TOP1MT: variants seen among roughly 807,000 people sequenced by gnomAD.
TOP1MT encodes DNA topoisomerase I, mitochondrial.
Under a neutral mutation model 73.9 loss-of-function variants are expected in TOP1MT, and 80 were observed. The observed-to-expected ratio is 1.08, with a 90% CI of 0.90 to 1.30. The LOEUF is 1.30. TOP1MT is among the 50% of genes most tolerant of loss of function. The pLI, the probability that TOP1MT is intolerant of heterozygous loss-of-function variation, is 0.00. For missense variants in TOP1MT, 815 were observed against 808.0 expected, an observed-to-expected ratio of 1.01 and a Z score of -0.10; for synonymous variants, 338 against 326.4, an observed-to-expected ratio of 1.04 and a Z score of -0.38.
chr8:143,318,143 C>T (rs983021452), intron 8 of TOP1MT, 57 bp from the exon 9 acceptor site: 1 of 1,545,608 alleles, frequency 6.5e-7, no homozygotes, highest in African/African-American at 1.4e-5. Context: ...CAGTGAGGAC[C>T]TGAAGGGCGT....
At chr8:143,319,032 G>C (rs1304888406) in intron 8 of TOP1MT, among the ~76,000 whole-genome samples, 1 of 152,154 alleles carries the variant, frequency 6.6e-6, no homozygotes, top group Non-Finnish European at 1.5e-5. Flanking sequence ...CCCCATCCAG[G>C]CCTGCACCAC....
chr8:143,321,621 GCACGCCACACA>G (rs1563757981), intron 7 of TOP1MT, among the ~76,000 whole-genome samples: 5 of 31,046 alleles, frequency 1.6e-4, no homozygotes, highest in African/African-American at 4.3e-4. Flanking sequence ...CACGCCACAC[GCACGCCACACA>G]CAGGCACGCC....
rs201314878 is a variant in TOP1MT at position 143,309,474 on chromosome 8, A to C, written c.1773T>G (p.Ala591=). The C allele has an allele frequency of 1.9e-6, 3 of 1,613,888 alleles. No homozygotes were observed. The highest frequency in any genetic ancestry group is 2.5e-6 in the Non-Finnish European group (3 of 1,180,044). ...SKTQRERFAW[A]LAMAGEDFEF ...CAAAGTCTTCTCCTGCCATGGCGAG[A>C]GCCCAGGCGAACCTCTCCCGCTGTG... The change falls in exon 14 of 14, where the codon GCT becomes GCG. Residue 591 remains alanine (A), a synonymous_variant. Transcript: ENST00000329245.
chr8:143,353,411 G>A (rs1817352921), intron 1 of TOP1MT, among the ~76,000 whole-genome samples: 1 of 141,576 alleles, frequency 7.1e-6, no homozygotes, highest in Admixed American at 6.9e-5. Context: ...GTGAGACCCT[G>A]TCTCTTTAAA....
intron 3 of TOP1MT, among the ~76,000 whole-genome samples, chr8:143,327,970 G>C (rs910895632): frequency 6.6e-6 from 1 of 152,154 alleles, no homozygotes; most frequent in Non-Finnish European, 1.5e-5. Context: ...GAAAAACATA[G>C]GAGGAAATCT....
upstream of TOP1MT, among the ~76,000 whole-genome samples, chr8:143,346,445 A>T (rs1002827598): frequency 3.0e-4 from 45 of 152,286 alleles, no homozygotes; most frequent in Non-Finnish European, 3.7e-4. Context: ...ATGATTTTTT[A>T]AAAAAAGATA....
At chr8:143,316,977 G>C (rs12676285) in intron 10 of TOP1MT, among the ~76,000 whole-genome samples, 2 of 152,072 alleles carry the variant, frequency 1.3e-5, no homozygotes, top group African/African-American at 2.4e-5. Flanking sequence ...CACAGCCCCA[G>C]TGCTGCCCCA....
rs2129967567 is a variant in TOP1MT at position 143,318,076 on chromosome 8, T to C, written c.1157A>G (p.Asn386Ser). The change falls in exon 9 of 14, where the codon AAC becomes AGC. Residue 386 changes from asparagine to serine, a missense_variant. Physicochemically the swap from Asn to Ser is conservative, Grantham distance 46 (BLOSUM62 1). This residue lies in a region of TOP1MT where 751 missense variants were observed against 725.4 expected (regional missense o/e 1.04). Coordinates refer to ENST00000329245, the MANE Select transcript of TOP1MT (RefSeq NM_052963.3). ...CTTGTTCTCCATAAAGAGCTGTAAG[T>C]TCTTGTACACCTGAAGGAGAAAGAA... Reference protein sequence around the residue: ...RVPVEKPVYKNLQLFMENKDP... With the variant: ...RVPVEKPVYKSLQLFMENKDP... The C allele has an allele frequency of 1.2e-6, 2 of 1,613,992 alleles. No homozygotes were observed.
intron 12 of TOP1MT, among the ~76,000 whole-genome samples, chr8:143,314,712 G>A (rs1816105187): frequency 6.6e-6 from 1 of 152,166 alleles, no homozygotes; most frequent in Non-Finnish European, 1.5e-5. Flanking sequence ...AGGTGCTGAG[G>A]CAAGAGACTG....
intron 8 of TOP1MT, 90 bp from the exon 9 acceptor site, chr8:143,318,176 C>A: frequency 8.2e-7 from 1 of 1,221,984 alleles, no homozygotes; most frequent in Non-Finnish European, 1.2e-6. Context: ...TGGGAGCCCA[C>A]GGGAGGCTTC....
chr8:143,338,338 C>T (rs1210098418), upstream of TOP1MT, among the ~76,000 whole-genome samples: 1 of 152,002 alleles, frequency 6.6e-6, no homozygotes, highest in Admixed American at 6.6e-5. Context: ...GAGGCCAAGG[C>T]GGGCGGATCA....
chr8:143,334,994 C>G, upstream of TOP1MT: 1 of 1,004,480 alleles, frequency 1.0e-6, no homozygotes, highest in Non-Finnish European at 1.2e-6. Context: ...GCTGGGCGGT[C>G]TAAGCCTGCA....
Position 143,322,915 on chromosome 8 carries a change from CCACACACGCACGCCA to C in TOP1MT, c.960+1069_960+1083del, listed in dbSNP as rs1379929966. ...GCCACACGCACGCCACACACGCACG[CCACACACGCACGCCA>C]CACACAGGCACGCCACACACGCCAC... On this transcript the variant is annotated intron_variant, in intron 7 of 13. Coordinates refer to ENST00000329245, the MANE Select transcript of TOP1MT (RefSeq NM_052963.3). 1.4e-3 allele frequency among the ~76,000 whole-genome samples: 28 copies of C among 19,498 alleles called. 1 individual carries two copies. The highest frequency in any genetic ancestry group is 3.9e-3 in the African/African-American group (28 of 7,090). The allele number at this position is 19,498 out of a possible 152,430, so 12.8% of individuals were successfully genotyped here. A position where few individuals can be genotyped will look rare whatever the true frequency, so the allele number is the denominator to read the frequency against.
At chr8:143,346,934 C>T (rs1817230974), upstream of TOP1MT, among the ~76,000 whole-genome samples, 1 of 151,790 alleles carries the variant, frequency 6.6e-6, no homozygotes, top group Admixed American at 6.6e-5. Flanking sequence ...AGCCAAATCA[C>T]TTTTCAAAAG....
intron 13 of TOP1MT, 188 bp downstream of exon 13, chr8:143,309,880 C>G (rs758215110): frequency 5.8e-6 from 9 of 1,548,964 alleles, no homozygotes; most frequent in Non-Finnish European, 7.8e-6. Flanking sequence ...CCCTGTCCAT[C>G]CGAACGTTCA....
chr8:143,334,200 G>A (rs922397641), intron 1 of TOP1MT: 3 of 152,348 alleles, frequency 2.0e-5, no homozygotes, highest in African/African-American at 7.2e-5. Flanking sequence ...CCCAGTATGC[G>A]CCGGCAGGGC....
Position 143,329,489 on chromosome 8 carries a change from C to CA in TOP1MT, c.239-19dup. 6.2e-7 allele frequency: 1 copy of CA among 1,605,152 alleles called. No individual in the cohort carries two copies. Among genetic ancestry groups the CA allele is most frequent in the Non-Finnish European group, 8.5e-7 (1 of 1,177,708 alleles). On this transcript the variant is annotated intron_variant, in intron 2 of 13. Coordinates refer to ENST00000329245, the MANE Select transcript of TOP1MT (RefSeq NM_052963.3). Reference sequence around the variant, plus strand: ...AGGCCTTCCTGCAGGCATCGGAAGACACATCGTATGAGAGAGCGGCCAGAG... The same window carrying CA: ...AGGCCTTCCTGCAGGCATCGGAAGACAACATCGTATGAGAGAGCGGCCAGAG...
At position 143,327,669 on chromosome 8, in the gene TOP1MT, A is replaced by C. The variant is rs769994432; in HGVS notation, c.361-1325T>G. On this transcript the variant is annotated intron_variant, in intron 3 of 13. Transcript: ENST00000329245. ...GCCTCCCTTCCTAGCTCTGCTAGTG[A>C]CTGGAAGAAGTGCTGACCAGAGGGA... is the stretch of plus-strand genomic sequence containing the variant. The C allele has an allele frequency of 1.3e-3, 466 of 352,230 alleles. 2 individuals carry two copies. The highest frequency in any genetic ancestry group is 2.1e-3 in the Non-Finnish European group (373 of 176,406). 21.8% of individuals were successfully genotyped at this position (352,230 alleles called of 1,614,324 possible).
At chr8:143,316,416 G>A (rs1026515274) in intron 10 of TOP1MT, among the ~76,000 whole-genome samples, 3 of 152,100 alleles carry the variant, frequency 2.0e-5, no homozygotes, top group South Asian at 2.1e-4. Context: ...CCGCCTGGAC[G>A]GGCGAGTCTG....
Sources: gnomAD v4.1 joint callset for allele counts (sites outside exome capture counted in the v4.1 genomes callset) on GRCh38, gnomAD v4.1.1 for gene constraint, gnomAD v4.1.1 regional missense constraint, MANE v1.5 for transcripts, NCBI Gene and HGNC (gene_info 2026-07-23, HGNC 2026-07-21) for gene names.